FGD5: variants seen among roughly 807,000 people sequenced by gnomAD.
FGD5 encodes FYVE, RhoGEF and PH domain-containing protein 5.
FGD5 carries 28 observed loss-of-function variants against 133.4 expected under a neutral mutation model. The ratio of observed to expected loss-of-function variants is 0.21; its 90% confidence interval spans 0.16 to 0.29. The LOEUF is 0.29. FGD5 is among the 10% of genes least tolerant of loss of function. The pLI, the probability that FGD5 is intolerant of heterozygous loss-of-function variation, is 1.00. For synonymous variants in FGD5, 810 were observed against 776.5 expected, an observed-to-expected ratio of 1.04 and a Z score of -0.72; for missense variants, 1,858 against 1,895.2, an observed-to-expected ratio of 0.98 and a Z score of 0.36.
At chr3:14,813,233 CAGAG>C (rs1214207022) in intron 1 of FGD5, among the ~76,000 whole-genome samples, 2 of 152,276 alleles carry the variant, frequency 1.3e-5, no homozygotes, top group South Asian at 2.1e-4. Flanking sequence ...AACTGAGGCT[CAGAG>C]AGGCAAAATG....
At chr3:14,828,020 C>T (rs185722302) in intron 1 of FGD5, among the ~76,000 whole-genome samples, 112 of 152,180 alleles carry the variant, frequency 7.4e-4, no homozygotes, top group South Asian at 1.2e-3. Context: ...GTGCAGCATG[C>T]GTATGAGGAG....
intron 1 of FGD5, among the ~76,000 whole-genome samples, chr3:14,837,905 C>T (rs1269885867): frequency 2.0e-5 from 3 of 152,302 alleles, no homozygotes; most frequent in Non-Finnish European, 4.4e-5. Flanking sequence ...ACTTATTTTC[C>T]GTTGCTGCCA....
Position 14,921,748 on chromosome 3 carries a change from G to A in FGD5, c.3570-170G>A, listed in dbSNP as rs142390154. On this transcript the variant is annotated intron_variant, in intron 13 of 19. Transcript: ENST00000285046. The stretch of plus-strand genomic sequence containing the variant: ...CCCAAGGACAGCTAATGGACCAGTG[G>A]TCTGCTCGTAAACCTAGTCTGGCAG... Among the ~76,000 whole-genome samples the A allele has an allele frequency of 2.0e-3, 305 of 152,348 alleles. 3 individuals carry two copies. The highest frequency in any genetic ancestry group is 7.2e-3 in the African/African-American group (300 of 41,582).
chr3:14,872,210 G>T (rs182215349), intron 2 of FGD5, among the ~76,000 whole-genome samples: 1 of 152,314 alleles, frequency 6.6e-6, no homozygotes, highest in East Asian at 1.9e-4. Flanking sequence ...AGCAATTCAT[G>T]TGATGATCTT....
intron 2 of FGD5, among the ~76,000 whole-genome samples, chr3:14,875,227 C>T (rs949850243): frequency 2.0e-5 from 3 of 152,156 alleles, no homozygotes; most frequent in Non-Finnish European, 4.4e-5. Context: ...TCATTGGGAC[C>T]CTCAACACAT....
intron 12 of FGD5, 62 bp from the exon 13 acceptor site, chr3:14,918,691 GA>G: frequency 6.5e-7 from 1 of 1,532,320 alleles, no homozygotes; most frequent in Non-Finnish European, 9.0e-7. Context: ...GCTGCCAGGA[GA>G]AGCCGGTCTA....
At chr3:14,898,690 T>C (rs2125133172) in intron 6 of FGD5, 49 bp from the exon 7 acceptor site, 2 of 1,496,522 alleles carry the variant, frequency 1.3e-6, no homozygotes, top group South Asian at 2.4e-5. Context: ...GCATGGTGCC[T>C]TCAGGAGGGG....
intron 4 of FGD5, among the ~76,000 whole-genome samples, chr3:14,892,366 G>T (rs1022592153): frequency 6.6e-6 from 1 of 151,904 alleles, no homozygotes; most frequent in African/African-American, 2.4e-5. Context: ...CATGCCTGGA[G>T]AATTTTTTAT....
rs192298702 is a variant in FGD5 at position 14,917,378 on chromosome 3, C to G, written c.3489+46C>G. ...ACCCCCGGGTTGGGGGACAGGGAGACCCCAGGGGAGAAGGGGACAGCATCC... is the reference window on the plus strand; with the variant it reads ...ACCCCCGGGTTGGGGGACAGGGAGAGCCCAGGGGAGAAGGGGACAGCATCC... On this transcript the variant is annotated intron_variant, in intron 12 of 19. Coordinates refer to ENST00000285046, the MANE Select transcript of FGD5 (RefSeq NM_152536.4). The surrounding 1 kb of genome is among the most constrained non-coding windows in gnomAD (Gnocchi z 4.1). 12 of 1,557,286 alleles carry G rather than the reference C, an allele frequency of 7.7e-6. No homozygotes were observed. The East Asian group carries it at 2.8e-4, about 36-fold the overall frequency.
chr3:14,894,989 C>A (rs1435230767), intron 4 of FGD5, among the ~76,000 whole-genome samples: 1 of 152,042 alleles, frequency 6.6e-6, no homozygotes, highest in Non-Finnish European at 1.5e-5. Context: ...TACCTATTGA[C>A]CATTTGTATG....
intron 8 of FGD5, 125 bp from the exon 9 acceptor site, chr3:14,900,878 C>A: frequency 9.9e-7 from 1 of 1,006,410 alleles, no homozygotes; most frequent in Non-Finnish European, 1.6e-6. Context: ...GTGGTCAAAT[C>A]ACTGTCAAGG....
intron 1 of FGD5, among the ~76,000 whole-genome samples, chr3:14,832,169 G>A (rs965392467): frequency 6.6e-6 from 1 of 152,214 alleles, no homozygotes; most frequent in Non-Finnish European, 1.5e-5. Context: ...AGGAGTCTGA[G>A]AGATAATGCA....
In FGD5 at chr3:14,924,132, G is replaced by A; in HGVS notation, c.4062G>A (p.Leu1354=). Residue 1354 remains leucine (L), a synonymous_variant, in exon 17 of 20, where the codon CTG becomes CTA. Transcript: ENST00000285046. The part of the protein sequence containing the change: ...FKKQKKVPSA[L]TEVAASGEGS... ...AGCAGAAGAAAGTCCCTTCAGCCCT[G>A]ACAGAGGTAAAGCAGGCAGGGCTAC... 1.2e-6 allele frequency: 2 copies of A among 1,613,928 alleles called. No individual in the cohort carries two copies. The highest frequency in any genetic ancestry group is 1.1e-5 in the South Asian group (1 of 91,074).
chr3:14,857,773 C>T (rs368272271), intron 1 of FGD5, among the ~76,000 whole-genome samples: 3 of 152,116 alleles, frequency 2.0e-5, no homozygotes, highest in South Asian at 2.1e-4. Context: ...AAACTTATTT[C>T]GTCTGTTGCT....
At chr3:14,899,094 C>G (rs574034986) in intron 7 of FGD5, among the ~76,000 whole-genome samples, 14 of 152,284 alleles carry the variant, frequency 9.2e-5, no homozygotes, top group Admixed American at 5.9e-4. Flanking sequence ...CACTTCCTCC[C>G]TGCCTCAGCT....
intron 18 of FGD5, among the ~76,000 whole-genome samples, chr3:14,927,761 C>T (rs987462313): frequency 6.6e-5 from 10 of 151,718 alleles, no homozygotes; most frequent in African/African-American, 2.2e-4. Context: ...TTATTTTTTC[C>T]AACATTTTCT....
upstream of FGD5, among the ~76,000 whole-genome samples, chr3:14,815,577 A>G (rs2036357363): frequency 6.6e-6 from 1 of 152,212 alleles, no homozygotes; most frequent in East Asian, 1.9e-4. Context: ...GAATTAGACT[A>G]AGAGAAATTG....
At position 14,922,105 on chromosome 3, in the gene FGD5, A is replaced by G. The variant is rs2038694034; in HGVS notation, c.3669+88A>G. The G allele has an allele frequency of 4.5e-6, 6 of 1,332,078 alleles. No individual in the cohort carries two copies. The East Asian group carries it at 1.0e-4, about 22-fold the overall frequency. The allele number at this position is 1,332,078 out of a possible 1,614,324, so 82.5% of individuals were successfully genotyped here. A position where few individuals can be genotyped will look rare whatever the true frequency, so the allele number is the denominator to read the frequency against. ...CATTGCTGTTGCCACTCACACCCAG[A>G]TGGACGTGTAGCTCCTGTCTTGGGG... is the stretch of plus-strand genomic sequence containing the variant. On this transcript the variant is annotated intron_variant, in intron 14 of 19. Transcript: ENST00000285046. This position sits in a 1 kb window ranked among gnomAD's most constrained non-coding sequence, Gnocchi z 4.1.
chr3:14,924,504 C>T (rs576302449), intron 17 of FGD5, among the ~76,000 whole-genome samples: 1 of 152,146 alleles, frequency 6.6e-6, no homozygotes, highest in Non-Finnish European at 1.5e-5. Context: ...GGGTCCCAAC[C>T]CGGCTCAGGT....
Sources: gnomAD v4.1 joint callset for allele counts (sites outside exome capture counted in the v4.1 genomes callset) on GRCh38, gnomAD v4.1.1 for gene constraint, Gnocchi (gnomAD v3.1) non-coding constraint, MANE v1.5 for transcripts, NCBI Gene and HGNC (gene_info 2026-07-23, HGNC 2026-07-21) for gene names.